The following TDRD3 variants were observed in gnomAD, a reference collection of about 807,000 sequenced individuals.
TDRD3 encodes the protein tudor domain-containing protein 3.
In TDRD3, 45 loss-of-function variants were observed where a neutral mutation model predicts 86.7. The ratio of observed to expected loss-of-function variants is 0.52; its 90% CI spans 0.41 to 0.67. The LOEUF (loss-of-function observed/expected upper bound fraction) is 0.67, where lower values mean the gene tolerates loss of function less well. TDRD3 is among the 30% of genes least tolerant of loss of function. TDRD3 has a pLI of 0.00. For missense variants in TDRD3, 814 were observed against 889.0 expected (o/e 0.92, Z 1.07); for synonymous variants, 298 against 301.7 (o/e 0.99, Z 0.13).
At chr13:60,547,556 T>C (rs529831649) in intron 12 of TDRD3, 1 of 236,678 alleles carries the variant, frequency 4.2e-6, no homozygotes, top group East Asian at 1.8e-4. Flanking sequence ...TTAAATGATC[T>C]ATGTAAATGT....
chr13:60,396,979 C>T (rs1464751056), upstream of TDRD3: 4 of 162,530 alleles, frequency 2.5e-5, no homozygotes, highest in Non-Finnish European at 5.3e-5. Flanking sequence ...CACACTTTTG[C>T]TCTACGAAGA....
intron 5 of TDRD3, among the ~76,000 whole-genome samples, chr13:60,472,205 G>A (rs1291788120): frequency 6.6e-6 from 1 of 152,018 alleles, no homozygotes; most frequent in Non-Finnish European, 1.5e-5. Flanking sequence ...CTTGTATTTT[G>A]GGAATAAATC....
At chr13:60,453,153 A>G (rs1430353821) in intron 3 of TDRD3, among the ~76,000 whole-genome samples, 1 of 152,204 alleles carries the variant, frequency 6.6e-6, no homozygotes, top group Non-Finnish European at 1.5e-5. Context: ...AGCAAAAGCT[A>G]AATATGACAA....
chr13:60,463,580 C>A (rs901050313), intron 4 of TDRD3, among the ~76,000 whole-genome samples: 1 of 151,896 alleles, frequency 6.6e-6, no homozygotes, highest in African/African-American at 2.4e-5. Context: ...AGACTACCTA[C>A]AGAATGGGAG....
intron 4 of TDRD3, among the ~76,000 whole-genome samples, chr13:60,463,742 G>T (rs1180595621): frequency 1.3e-5 from 2 of 152,068 alleles, no homozygotes; most frequent in Non-Finnish European, 2.9e-5. Flanking sequence ...CATACACATG[G>T]CCAACAGGCA....
In TDRD3 at chr13:60,566,601, T is replaced by G. The variant is rs1005936987; in HGVS notation, c.2119-924T>G. 3.9e-5 allele frequency among the ~76,000 whole-genome samples: 6 copies of G among 152,202 alleles called. No homozygotes were observed. In the South Asian group the frequency reaches 6.2e-4, roughly 16 times the overall value. On this transcript the variant is annotated intron_variant, in intron 12 of 13. Transcript: ENST00000377881. ...TTCAGTTGGAATTTAAACTCCCTACTTAGTGAAATAGATGCTTTCTTTTTC... is the reference window on the plus strand; with the variant it reads ...TTCAGTTGGAATTTAAACTCCCTACGTAGTGAAATAGATGCTTTCTTTTTC...
intron 7 of TDRD3, among the ~76,000 whole-genome samples, chr13:60,492,451 C>T (rs1419887633): frequency 6.6e-6 from 1 of 152,100 alleles, no homozygotes; most frequent in Non-Finnish European, 1.5e-5. Context: ...GTTTTCTAAT[C>T]CCAGTTTTAA....
intron 1 of TDRD3, among the ~76,000 whole-genome samples, chr13:60,416,771 A>G (rs764411920): frequency 1.3e-5 from 2 of 152,002 alleles, no homozygotes; most frequent in African/African-American, 2.4e-5. Flanking sequence ...TGGACGGTTT[A>G]TGTCTATCTT....
chr13:60,539,523 T>A (rs1382639144), intron 12 of TDRD3, among the ~76,000 whole-genome samples: 1 of 151,810 alleles, frequency 6.6e-6, no homozygotes. Flanking sequence ...CTTATATATT[T>A]TATCTATTTA....
Position 60,494,467 on chromosome 13 carries a change from T to C in TDRD3, c.750T>C (p.Ala250=), listed in dbSNP as rs1014059727. The change falls in exon 8 of 14, where the codon GCT becomes GCC. Residue 250 remains alanine, a synonymous_variant. Coordinates refer to ENST00000377881, the MANE Select transcript of TDRD3 (RefSeq NM_001146070.2). ...TKTFGGGGGG[A]RSNLNMNAAG... ...CATTTGGAGGAGGTGGTGGTGGTGC[T>C]AGAAGTAATCTCAATATGAATGCTG... is the stretch of plus-strand genomic sequence containing the variant. 1.9e-6 allele frequency: 3 copies of C among 1,613,616 alleles called. No homozygotes were observed. The highest frequency in any genetic ancestry group is 4.5e-5 in the East Asian group (2 of 44,802).
chr13:60,497,515 T>TA (rs1956744426), intron 8 of TDRD3, among the ~76,000 whole-genome samples: 1 of 152,238 alleles, frequency 6.6e-6, no homozygotes, highest in South Asian at 2.1e-4. Flanking sequence ...TAGGAATTCT[T>TA]AGTCGGCCTA....
intron 12 of TDRD3, among the ~76,000 whole-genome samples, chr13:60,559,204 C>A (rs1347789115): frequency 6.6e-6 from 1 of 152,038 alleles, no homozygotes; most frequent in Admixed American, 6.6e-5. Flanking sequence ...TCCTGATAAA[C>A]CTCTGAGGTC....
chr13:60,483,306 C>G (rs1340119411), intron 5 of TDRD3, among the ~76,000 whole-genome samples: 1 of 151,986 alleles, frequency 6.6e-6, no homozygotes, highest in African/African-American at 2.4e-5. Flanking sequence ...AAAAGAACCT[C>G]CATATTATAC....
chr13:60,431,829 T>C (rs1225112585), intron 1 of TDRD3, among the ~76,000 whole-genome samples: 1 of 151,844 alleles, frequency 6.6e-6, no homozygotes, highest in African/African-American at 2.4e-5. Context: ...AAATAAATCT[T>C]ATATTGAAAG....
intron 8 of TDRD3, among the ~76,000 whole-genome samples, chr13:60,504,389 A>C (rs1450591422): frequency 6.6e-6 from 1 of 152,196 alleles, no homozygotes; most frequent in South Asian, 2.1e-4. Context: ...AAGTGCAGAT[A>C]AGGTCTGACT....
chr13:60,469,828 A>G (rs1391067752), intron 5 of TDRD3, among the ~76,000 whole-genome samples: 1 of 152,188 alleles, frequency 6.6e-6, no homozygotes, highest in Non-Finnish European at 1.5e-5. Flanking sequence ...GTAGTTCTAT[A>G]AGTTTTAGTG....
chr13:60,441,848 C>T (rs548845743), intron 2 of TDRD3, among the ~76,000 whole-genome samples: 65 of 152,280 alleles, frequency 4.3e-4, no homozygotes, highest in African/African-American at 1.3e-3. Flanking sequence ...CCTCTGAAGA[C>T]TAATACCCAA....
intron 10 of TDRD3, among the ~76,000 whole-genome samples, chr13:60,521,753 C>T (rs1177401729): frequency 3.9e-5 from 6 of 152,056 alleles, no homozygotes; most frequent in East Asian, 1.9e-4. Context: ...AAAAATTGGC[C>T]GGGCATGGCA....
chr13:60,484,583 CCT>C (rs2038334366), intron 6 of TDRD3: 1 of 371,356 alleles, frequency 2.7e-6, no homozygotes, highest in African/African-American at 2.1e-5. Context: ...TGACTGTCAC[CCT>C]CTCTGAAAGC....
Sources: allele counts gnomAD v4.1 joint callset (sites outside exome capture counted in the v4.1 genomes callset), GRCh38; gene constraint gnomAD v4.1.1; transcripts MANE v1.5; gene names NCBI Gene and HGNC (gene_info 2026-07-23, HGNC 2026-07-21).